KCNAB2: variants seen among roughly 807,000 people sequenced by gnomAD.
The protein encoded by KCNAB2 is voltage-gated potassium channel subunit beta-2.
Under a neutral mutation model 63.6 loss-of-function variants are expected in KCNAB2, and 29 were observed. That is an observed-to-expected ratio of 0.46 (90% CI 0.34 to 0.62). The LOEUF is 0.62. Among genes scored for constraint, KCNAB2 ranks in the 20% least tolerant of loss-of-function variants. The pLI, the probability that KCNAB2 is intolerant of heterozygous loss-of-function variation, is 0.01. For synonymous variants in KCNAB2, 222 were observed against 224.2 expected, an observed-to-expected ratio of 0.99 and a Z score of 0.09; for missense variants, 359 against 563.9, an observed-to-expected ratio of 0.64 and a Z score of 3.68.
rs565442090 is a variant in KCNAB2 at position 6,055,452 on chromosome 1, T to C, written c.218+3698T>C. On this transcript the variant is annotated intron_variant, in intron 2 of 15. Coordinates refer to ENST00000378083, the MANE Select transcript of KCNAB2 (RefSeq NM_001199862.2). ...CTCACTACAACCTCTGCCTCCCAGGTTCAAGCGATTCTCCTGCCTCAGCCT... is the reference window on the plus strand; with the variant it reads ...CTCACTACAACCTCTGCCTCCCAGGCTCAAGCGATTCTCCTGCCTCAGCCT... Among the ~76,000 whole-genome samples the C allele has an allele frequency of 6.0e-5, 9 of 149,992 alleles. No individual in the cohort carries two copies. In the Admixed American group the frequency reaches 6.1e-4, roughly 10 times the overall value.
In KCNAB2 at chr1:6,098,383, G is replaced by A; in HGVS notation, c.1159-102G>A. On this transcript the variant is annotated intron_variant, in intron 15 of 15. Transcript: ENST00000378083. Reference sequence around the variant, plus strand: ...GCCCAGATGTGATGGGGCAACCCGGGCCTGGCCAGCCGACCATCTGGAAGA... The same window carrying A: ...GCCCAGATGTGATGGGGCAACCCGGACCTGGCCAGCCGACCATCTGGAAGA... The A allele has an allele frequency of 1.4e-5, 22 of 1,542,186 alleles. No homozygotes were observed. In the South Asian group the frequency reaches 2.7e-4, roughly 19 times the overall value.
In KCNAB2 at chr1:6,003,786, T is replaced by C. The variant is rs1657398369; in HGVS notation, c.-53+10998T>C. 6.6e-6 allele frequency among the ~76,000 whole-genome samples: 1 copy of C among 152,226 alleles called. No homozygotes were observed. On this transcript the variant is annotated intron_variant, in intron 1 of 16. Coordinates refer to the KCNAB2 transcript ENST00000341524. This position sits in a 1 kb window ranked among gnomAD's most constrained non-coding sequence, Gnocchi z 4.1. ...CGCAACCTCGCCAGCAATGAGTATT[T>C]TCATTTAAAAATGTTTTTGTCTGCT...
chr1:6,085,094 TG>T, intron 5 of KCNAB2, 109 bp from the exon 6 acceptor site: 1 of 1,130,348 alleles, frequency 8.8e-7, no homozygotes, highest in Non-Finnish European at 1.3e-6. Flanking sequence ...CCTGGCTCTC[TG>T]GCCCCAGTGA....
intron 4 of KCNAB2, among the ~76,000 whole-genome samples, chr1:6,081,949 C>T (rs1029868767): frequency 6.6e-6 from 1 of 152,246 alleles, no homozygotes; most frequent in African/African-American, 2.4e-5. Context: ...AAGAAATTCA[C>T]AGTCCTTGGC....
rs767413532 is a variant in KCNAB2, at chr1:6,069,134, G to C, written c.219-3621G>C. Among the ~76,000 whole-genome samples, 21 of 152,290 alleles carry C rather than the reference G, an allele frequency of 1.4e-4. No individual in the cohort carries two copies. Among genetic ancestry groups the C allele is most frequent in the Admixed American group, 5.9e-4 (9 of 15,300 alleles). On this transcript the variant is annotated intron_variant, in intron 2 of 15. Coordinates refer to ENST00000378083, the MANE Select transcript of KCNAB2 (RefSeq NM_001199862.2). The surrounding 1 kb of genome is among the most constrained non-coding windows in gnomAD (Gnocchi z 5.4). ...ACTGGAAGCCCAGCCTGTCCTTAGG[G>C]AGCCTGGAATCTCGGAGCAGGGCAG...
In KCNAB2 at chr1:6,078,166, C is replaced by T. The variant is rs140759039; in HGVS notation, c.301-4029C>T. ...CTGCTGGCCTTCCTTGGCCTGTGCCCGCATCCCCCAGTCTCTGCCCCTGTG... is the reference window on the plus strand; with the variant it reads ...CTGCTGGCCTTCCTTGGCCTGTGCCTGCATCCCCCAGTCTCTGCCCCTGTG... On this transcript the variant is annotated intron_variant, in intron 4 of 15. Transcript: ENST00000378083. The surrounding 1 kb of genome is among the most constrained non-coding windows in gnomAD (Gnocchi z 4.2). Among the ~76,000 whole-genome samples the T allele has an allele frequency of 5.6e-4, 85 of 152,312 alleles. No individual in the cohort carries two copies. Among genetic ancestry groups the T allele is most frequent in the East Asian group, 3.1e-3 (16 of 5,184 alleles).
rs1427998978 is a variant in KCNAB2 at position 6,078,910 on chromosome 1, AG to A, written c.301-3283del. On this transcript the variant is annotated intron_variant, in intron 4 of 15. Coordinates refer to ENST00000378083, the MANE Select transcript of KCNAB2 (RefSeq NM_001199862.2). The surrounding 1 kb of genome is among the most constrained non-coding windows in gnomAD (Gnocchi z 4.2). ...TTGCCTGGGGAAGGTGCAGGGAGAGAGGATGGAAGCAGAGAGCTAGGAGGCT... is the reference window on the plus strand; with the variant it reads ...TTGCCTGGGGAAGGTGCAGGGAGAGAGATGGAAGCAGAGAGCTAGGAGGCT... 3.3e-5 allele frequency among the ~76,000 whole-genome samples: 5 copies of A among 152,052 alleles called. No individual in the cohort carries two copies. The highest frequency in any genetic ancestry group is 6.6e-5 in the Admixed American group (1 of 15,256).
At position 6,073,301 on chromosome 1, in the gene KCNAB2, C is replaced by T. The variant is rs1425494080; in HGVS notation, c.263-432C>T. ...ACCGCCCACTGCAGTACACACACCC[C>T]GCCCCCCACCAGCACCCACTGCCCT... is the stretch of plus-strand genomic sequence containing the variant. On this transcript the variant is annotated intron_variant, in intron 3 of 15. Coordinates refer to ENST00000378083, the MANE Select transcript of KCNAB2 (RefSeq NM_001199862.2). This position sits in a 1 kb window ranked among gnomAD's most constrained non-coding sequence, Gnocchi z 5.7. 2.0e-5 allele frequency among the ~76,000 whole-genome samples: 3 copies of T among 152,058 alleles called. No individual in the cohort carries two copies. Among genetic ancestry groups the T allele is most frequent in the Non-Finnish European group, 2.9e-5 (2 of 67,978 alleles).
chr1:6,090,619 A>T, intron 9 of KCNAB2, 144 bp downstream of exon 9: 2 of 611,106 alleles, frequency 3.3e-6, no homozygotes, highest in Non-Finnish European at 5.8e-6. Context: ...GTGGGGGGCG[A>T]GGGGGCAGGC....
intron 8 of KCNAB2, among the ~76,000 whole-genome samples, chr1:6,090,100 C>A (rs1320880015): frequency 1.3e-5 from 2 of 152,230 alleles, no homozygotes; most frequent in African/African-American, 4.8e-5. Flanking sequence ...ACAGTGGCCT[C>A]AGAGGAGGGT....
intron 2 of KCNAB2, among the ~76,000 whole-genome samples, chr1:6,066,319 G>A (rs773592475): frequency 7.2e-5 from 11 of 152,244 alleles, no homozygotes; most frequent in East Asian, 1.9e-4. Context: ...CTGACCTCCC[G>A]GCCTCCCCAA....
At position 6,028,446 on chromosome 1, in the gene KCNAB2, C is replaced by G. The variant is rs1388128158; in HGVS notation, c.-52-12071C>G. ...CCTCCGGGGTTCCAGAAGCAACATG[C>G]AAAATAACATCAGTTCAACAAGCAG... is the stretch of plus-strand genomic sequence containing the variant. On this transcript the variant is annotated intron_variant, in intron 1 of 16. Coordinates refer to the KCNAB2 transcript ENST00000341524. The surrounding 1 kb of genome is among the most constrained non-coding windows in gnomAD (Gnocchi z 4.0). Among the ~76,000 whole-genome samples, 1 of 152,178 alleles carries G rather than the reference C, an allele frequency of 6.6e-6. No individual in the cohort carries two copies. Among genetic ancestry groups the G allele is most frequent in the Admixed American group, 6.5e-5 (1 of 15,270 alleles).
chr1:6,041,069 C>T (rs1660459702), upstream of KCNAB2: 1 of 165,054 alleles, frequency 6.1e-6, no homozygotes, highest in Non-Finnish European at 1.3e-5. Context: ...CTTTGGGGAA[C>T]CACGTCTGCC....
chr1:6,051,843 C>A, intron 2 of KCNAB2, 89 bp downstream of exon 2: 1 of 1,379,966 alleles, frequency 7.2e-7, no homozygotes, highest in Non-Finnish European at 9.6e-7. Flanking sequence ...GTGGTTCACA[C>A]CTGTAATCCC....
chr1:6,087,819 T>C lies in KCNAB2; in HGVS notation c.470+308T>C, dbSNP rs1664831939. 6.6e-6 allele frequency among the ~76,000 whole-genome samples: 1 copy of C among 152,226 alleles called. No individual in the cohort carries two copies. The highest frequency in any genetic ancestry group is 1.5e-5 in the Non-Finnish European group (1 of 68,038). On this transcript the variant is annotated intron_variant, in intron 7 of 15. Transcript: ENST00000378083. This position sits in a 1 kb window ranked among gnomAD's most constrained non-coding sequence, Gnocchi z 6.4. Reference sequence around the variant, plus strand: ...TTACAAAAACCTCGCTTAACTTTCCTTTTTACTCACATGGATTATTTTTTC... The same window carrying C: ...TTACAAAAACCTCGCTTAACTTTCCCTTTTACTCACATGGATTATTTTTTC...
chr1:6,000,002 C>T lies in KCNAB2; in HGVS notation c.-53+7214C>T, dbSNP rs142262465. Among the ~76,000 whole-genome samples, 9 of 150,938 alleles carry T rather than the reference C, an allele frequency of 6.0e-5. No individual in the cohort carries two copies. In the East Asian group the frequency reaches 1.8e-3, roughly 30 times the overall value. ...CATCCATATCCTGCTCTGCTGTCTG[C>T]ACCCTCTCTGCACCCTGTCTGCGCC... is the stretch of plus-strand genomic sequence containing the variant. On this transcript the variant is annotated intron_variant, in intron 1 of 16. Transcript: ENST00000341524.
intron 2 of KCNAB2, among the ~76,000 whole-genome samples, chr1:6,055,996 C>G (rs768626690): frequency 6.6e-6 from 1 of 152,328 alleles, no homozygotes; most frequent in Non-Finnish European, 1.5e-5. Flanking sequence ...ATTTCATCAG[C>G]TGAACTGAGC....
intron 1 of KCNAB2, among the ~76,000 whole-genome samples, chr1:6,008,018 A>G (rs967086024): frequency 6.6e-6 from 1 of 152,094 alleles, no homozygotes; most frequent in Non-Finnish European, 1.5e-5. Flanking sequence ...CTGGTTTGAC[A>G]TGGCTCCCTC....
At chr1:6,017,454 T>C (rs558581804) in intron 1 of KCNAB2, among the ~76,000 whole-genome samples, 8 of 150,174 alleles carry the variant, frequency 5.3e-5, no homozygotes, top group African/African-American at 2.0e-4. Context: ...TTAGTAGAGA[T>C]GGGTTTTCAG....
Sources: allele counts gnomAD v4.1 joint callset (sites outside exome capture counted in the v4.1 genomes callset), GRCh38; gene constraint gnomAD v4.1.1; non-coding constraint Gnocchi (gnomAD v3.1); transcripts MANE v1.5; gene names NCBI Gene and HGNC (gene_info 2026-07-23, HGNC 2026-07-21).